Variants in SLC35B3 observed in about 807,000 individuals in gnomAD.
SLC35B3 encodes the protein adenosine 3'-phospho 5'-phosphosulfate transporter 2.
In SLC35B3, 35 loss-of-function variants were observed where a neutral mutation model predicts 44.1. That is an observed-to-expected ratio of 0.79 (90% CI 0.61 to 1.05). The LOEUF (loss-of-function observed/expected upper bound fraction) is 1.05, where lower values mean the gene tolerates loss of function less well. Among genes scored for constraint, SLC35B3 ranks in the 50% least tolerant of loss-of-function variants. The pLI is 0.00. For synonymous variants in SLC35B3, 146 were observed against 167.3 expected, an observed-to-expected ratio of 0.87 and a Z score of 0.98; for missense variants, 414 against 476.4, an observed-to-expected ratio of 0.87 and a Z score of 1.22.
intron 3 of SLC35B3, 37 bp from the exon 3 acceptor site, chr6:8,428,095 C>A: frequency 7.1e-7 from 1 of 1,399,328 alleles, no homozygotes; most frequent in Non-Finnish European, 9.4e-7. Context: ...AAGTCCAAGG[C>A]AGCACACTAA....
chr6:8,431,820 T>C (rs1764015228), intron 2 of SLC35B3, among the ~76,000 whole-genome samples: 1 of 152,192 alleles, frequency 6.6e-6, no homozygotes, highest in Non-Finnish European at 1.5e-5. Context: ...ATGGATATAG[T>C]GCACCATTCA....
In SLC35B3 at chr6:8,419,587, G is replaced by A. The variant is rs764006472; in HGVS notation, c.773C>T (p.Ser258Phe). The A allele has an allele frequency of 1.8e-5, 28 of 1,519,038 alleles. No individual in the cohort carries two copies. Among genetic ancestry groups the A allele is most frequent in the Non-Finnish European group, 3.6e-6 (4 of 1,114,310 alleles). 94.1% of individuals were successfully genotyped at this position (1,519,038 alleles called of 1,614,324 possible). Residue 258 changes from serine to phenylalanine, a missense_variant, in exon 7 of 11, where the codon TCT (serine) becomes TTT (phenylalanine). By Grantham distance (155) the Ser-to-Phe change is radical. Transcript: ENST00000644923. This position sits in a 1 kb window ranked among gnomAD's most constrained non-coding sequence, Gnocchi z 4.3. ...AAACACTAGAGTATTTACCATTTCAGAATTAGAAGCATTATGAAGTTTCAT... is the reference window on the plus strand; with the variant it reads ...AAACACTAGAGTATTTACCATTTCAAAATTAGAAGCATTATGAAGTTTCAT...
intron 4 of SLC35B3, among the ~76,000 whole-genome samples, chr6:8,426,117 A>G (rs1459115095): frequency 6.6e-6 from 1 of 152,110 alleles, no homozygotes; most frequent in Non-Finnish European, 1.5e-5. Context: ...ATAACTTCAC[A>G]TTCTAAAAAA....
Position 8,419,524 on chromosome 6 carries a change from T to A in SLC35B3, c.780+56A>T. 2 of 851,242 alleles carry A rather than the reference T, an allele frequency of 2.3e-6. No homozygotes were observed. The highest frequency in any genetic ancestry group is 3.7e-6 in the Non-Finnish European group (2 of 547,498). The allele number at this position is 851,242 out of a possible 1,614,324, so 52.7% of individuals were successfully genotyped here. A position where few individuals can be genotyped will look rare whatever the true frequency, so the allele number is the denominator to read the frequency against. On this transcript the variant is annotated intron_variant, in intron 7 of 10. Transcript: ENST00000644923. This position sits in a 1 kb window ranked among gnomAD's most constrained non-coding sequence, Gnocchi z 4.3. The stretch of plus-strand genomic sequence containing the variant: ...ATAATAATTATTTCATCAAATTACG[T>A]GTATCACCATTTTTTAAATCTGTCT...
rs138555152 is a variant in SLC35B3 at position 8,413,617 on chromosome 6, A to G, written c.1138T>C (p.Ser380Pro). 2,007 of 1,604,290 alleles carry G rather than the reference A, an allele frequency of 1.3e-3. 22 individuals are homozygous for G. The African/African-American group carries it at 0.024, about 19-fold the overall frequency. ...GATTTGTTTATCAAATCATACAGTGATGGTAGTCTTATTTTATCCATATTT... is the reference window on the plus strand; with the variant it reads ...GATTTGTTTATCAAATCATACAGTGGTGGTAGTCTTATTTTATCCATATTT... Residue 380 changes from serine to proline, a missense_variant, in exon 11 of 11, where the codon TCA (serine) becomes CCA (proline). Transcript: ENST00000644923.
rs562158264 is a variant in SLC35B3 at position 8,430,066 on chromosome 6, G to A, written c.95C>T (p.Thr32Ile). The change falls in exon 3 of 11, where the codon ACA becomes ATA. Residue 32 changes from threonine (T) to isoleucine (I), a missense_variant. By Grantham distance (89) the Thr-to-Ile change is moderately conservative. Transcript: ENST00000644923. Reference sequence around the variant, plus strand: ...GGAATTGTTGAACTTGAGATCCATTGTTATTTTGCTGCATTCAATGCTTTC... The same window carrying A: ...GGAATTGTTGAACTTGAGATCCATTATTATTTTGCTGCATTCAATGCTTTC... The A allele has an allele frequency of 6.8e-6, 11 of 1,613,754 alleles. No homozygotes were observed. In the Admixed American group the frequency reaches 1.2e-4, roughly 17 times the overall value.
Position 8,434,351 on chromosome 6 carries a change from G to A in SLC35B3, c.3+34C>T, listed in dbSNP as rs1230020495. On this transcript the variant is annotated intron_variant, in intron 2 of 10. Transcript: ENST00000644923. The surrounding 1 kb of genome is among the most constrained non-coding windows in gnomAD (Gnocchi z 6.3). ...AAAAACGTGATTTTAACTATACTTTGCCACACTCAACGTTACAAATAAAAG... is the reference window on the plus strand; with the variant it reads ...AAAAACGTGATTTTAACTATACTTTACCACACTCAACGTTACAAATAAAAG... 1 of 1,599,770 alleles carries A rather than the reference G, an allele frequency of 6.3e-7. No individual in the cohort carries two copies. Among genetic ancestry groups the A allele is most frequent in the African/African-American group, 1.3e-5 (1 of 74,352 alleles).
At position 8,419,204 on chromosome 6, in the gene SLC35B3, A is replaced by G. The variant is rs1007111332; in HGVS notation, c.780+376T>C. On this transcript the variant is annotated intron_variant, in intron 7 of 10. Transcript: ENST00000644923. This position sits in a 1 kb window ranked among gnomAD's most constrained non-coding sequence, Gnocchi z 4.3. ...AAATGTTCTAAATCTCAGGGTTAGG[A>G]AAGCTCTTTTCAACCATGATACTTA... is the stretch of plus-strand genomic sequence containing the variant. Among the ~76,000 whole-genome samples, 1 of 152,124 alleles carries G rather than the reference A, an allele frequency of 6.6e-6. No homozygotes were observed. The highest frequency in any genetic ancestry group is 1.9e-4 in the East Asian group (1 of 5,200).
intron 2 of SLC35B3, among the ~76,000 whole-genome samples, chr6:8,431,179 G>C (rs1763950210): frequency 6.6e-6 from 1 of 152,138 alleles, no homozygotes; most frequent in African/African-American, 2.4e-5. Context: ...TCCATGTAAA[G>C]ACTGAGGAAA....
rs200246553 is a variant in SLC35B3, at chr6:8,434,052, T to TA, written c.3+332dup. 0.5 allele frequency among the ~76,000 whole-genome samples: 74,335 copies of TA among 150,056 alleles called. 19,348 individuals are homozygous for TA. The highest frequency in any genetic ancestry group is 0.67 in the African/African-American group (27,562 of 40,978). On this transcript the variant is annotated intron_variant, in intron 2 of 10. Coordinates refer to ENST00000644923, the MANE Select transcript of SLC35B3 (RefSeq NM_001370476.2). This position sits in a 1 kb window ranked among gnomAD's most constrained non-coding sequence, Gnocchi z 6.3. ...AACTAAAATATATATATATATATTT[T>TA]AAAAATCACAGGTGTGTATAATTGC...
intron 4 of SLC35B3, 34 bp from the exon 4 acceptor site, chr6:8,422,658 G>GGACCCAATTCA (rs1383356806): frequency 1.3e-6 from 2 of 1,560,188 alleles, no homozygotes; most frequent in Non-Finnish European, 1.7e-6. Context: ...CTTCATTTTG[G>GGACCCAATTCA]GACCCAATTC....
chr6:8,417,371 A>T, intron 8 of SLC35B3, 31 bp downstream of exon 7: 1 of 1,161,968 alleles, frequency 8.6e-7, no homozygotes, highest in Non-Finnish European at 1.2e-6. Context: ...TTAACAGAAG[A>T]TTTTTTTTTT....
chr6:8,418,940 T>C (rs71561110), intron 7 of SLC35B3: 132 of 168,154 alleles, frequency 7.8e-4, no homozygotes, highest in Admixed American at 1.9e-3. Flanking sequence ...AAATGTCTGA[T>C]AAAGCTGCTG....
Position 8,422,516 on chromosome 6 carries a change from C to G in SLC35B3, c.528G>C (p.Lys176Asn), listed in dbSNP as rs1159389371. ...GCATAACAGGAATCAATTTGCAGCA[C>G]TTGAAGATGACTTGGGTAGGGTAAT... The change falls in exon 5 of 11, where the codon AAG (lysine) becomes AAC (asparagine). Residue 176 changes from lysine (K) to asparagine (N), a missense_variant. By Grantham distance (94) the Lys-to-Asn change is moderately conservative. Coordinates refer to ENST00000644923, the MANE Select transcript of SLC35B3 (RefSeq NM_001370476.2). 6.2e-7 allele frequency: 1 copy of G among 1,613,582 alleles called. No individual in the cohort carries two copies. Among genetic ancestry groups the G allele is most frequent in the Non-Finnish European group, 8.5e-7 (1 of 1,179,742 alleles).
chr6:8,418,028 C>T (rs1350570908), intron 7 of SLC35B3, among the ~76,000 whole-genome samples: 2 of 152,084 alleles, frequency 1.3e-5, no homozygotes, highest in Non-Finnish European at 2.9e-5. Context: ...GTGTCAGGTA[C>T]TGTGTTGAAG....
chr6:8,434,250 G>C lies in SLC35B3; in HGVS notation c.3+135C>G. On this transcript the variant is annotated intron_variant, in intron 2 of 10. Coordinates refer to ENST00000644923, the MANE Select transcript of SLC35B3 (RefSeq NM_001370476.2). This position sits in a 1 kb window ranked among gnomAD's most constrained non-coding sequence, Gnocchi z 6.3. The stretch of plus-strand genomic sequence containing the variant: ...ATTTCAGTTTATTTTTGAGTTTTCC[G>C]ACCTGAAGGACAAAAGTCCCACACC... 1.3e-6 allele frequency: 1 copy of C among 740,812 alleles called. No homozygotes were observed. Among genetic ancestry groups the C allele is most frequent in the South Asian group, 1.7e-5 (1 of 57,352 alleles). The allele number at this position is 740,812 out of a possible 1,614,324, so 45.9% of individuals were successfully genotyped here. A position where few individuals can be genotyped will look rare whatever the true frequency, so the allele number is the denominator to read the frequency against.
Position 8,434,285 on chromosome 6 carries a change from TA to T in SLC35B3, c.3+99del. The T allele has an allele frequency of 1.8e-6, 2 of 1,130,492 alleles. No individual in the cohort carries two copies. Among genetic ancestry groups the T allele is most frequent in the South Asian group, 2.7e-5 (2 of 74,806 alleles). The allele number at this position is 1,130,492 out of a possible 1,614,324, so 70.0% of individuals were successfully genotyped here. On this transcript the variant is annotated intron_variant, in intron 2 of 10. Coordinates refer to ENST00000644923, the MANE Select transcript of SLC35B3 (RefSeq NM_001370476.2). The surrounding 1 kb of genome is among the most constrained non-coding windows in gnomAD (Gnocchi z 6.3). ...ACAAAAGTCCCACACCAAAAAAAGG[TA>T]GAATATGAAAAAAAAGTCATTACGG...
chr6:8,415,397 A>G (rs111646049), intron 9 of SLC35B3, among the ~76,000 whole-genome samples: 263 of 152,284 alleles, frequency 1.7e-3, no homozygotes, highest in African/African-American at 6.0e-3. Flanking sequence ...ATAAGACTAT[A>G]AGTAACCATT....
At chr6:8,427,361 C>G (rs1763515649) in intron 4 of SLC35B3, among the ~76,000 whole-genome samples, 2 of 152,210 alleles carry the variant, frequency 1.3e-5, no homozygotes, top group Admixed American at 6.5e-5. Flanking sequence ...CACCCAAGGT[C>G]ACTATGCTGT....
Sources: allele counts gnomAD v4.1 joint callset (sites outside exome capture counted in the v4.1 genomes callset), GRCh38; gene constraint gnomAD v4.1.1; non-coding constraint Gnocchi (gnomAD v3.1); transcripts MANE v1.5; gene names NCBI Gene and HGNC (gene_info 2026-07-23, HGNC 2026-07-21).